GRM7: variants seen among roughly 807,000 people sequenced by gnomAD.
The protein encoded by GRM7 is glutamate metabotropic receptor 7, also known as metabotropic glutamate receptor 7.
In GRM7, 35 loss-of-function variants were observed where a neutral mutation model predicts 84.5. The ratio of observed to expected loss-of-function variants is 0.41; its 90% CI spans 0.32 to 0.55. GRM7 has a LOEUF of 0.55. Among genes scored for constraint, GRM7 ranks in the 20% least tolerant of loss-of-function variants. The pLI is 0.19. For missense variants in GRM7, 1,003 were observed against 1,194.6 expected (o/e 0.84, Z 2.36); for synonymous variants, 487 against 455.1 (o/e 1.07, Z -0.89).
chr3:6,887,345 G>C (rs1361650418), intron 1 of GRM7, among the ~76,000 whole-genome samples: 1 of 151,788 alleles, frequency 6.6e-6, no homozygotes, highest in African/African-American at 2.4e-5. Context: ...TTGTCATTTA[G>C]CATTAGGTAT....
chr3:7,064,461 T>TAC (rs1205453195), intron 1 of GRM7, among the ~76,000 whole-genome samples: 16 of 78,728 alleles, frequency 2.0e-4, no homozygotes, highest in African/African-American at 1.1e-3. Context: ...TGGATATATA[T>TAC]ACATATATAT....
intron 9 of GRM7, among the ~76,000 whole-genome samples, chr3:7,739,282 C>T (rs535439677): frequency 6.6e-6 from 1 of 152,254 alleles, no homozygotes; most frequent in South Asian, 2.1e-4. Context: ...TAAATACAAA[C>T]TCTCAGTATG....
At chr3:6,950,169 T>TC (rs1289121037) in intron 1 of GRM7, among the ~76,000 whole-genome samples, 2 of 152,212 alleles carry the variant, frequency 1.3e-5, no homozygotes, top group Non-Finnish European at 2.9e-5. Flanking sequence ...CTCTGTTTTT[T>TC]CCCCATCTTT....
chr3:7,592,840 A>G (rs1695859541), intron 8 of GRM7, among the ~76,000 whole-genome samples: 1 of 152,150 alleles, frequency 6.6e-6, no homozygotes. Context: ...AGACTTGTGT[A>G]TATGCCATTT....
At chr3:6,991,721 C>A (rs1694643340) in intron 1 of GRM7, among the ~76,000 whole-genome samples, 1 of 152,180 alleles carries the variant, frequency 6.6e-6, no homozygotes, top group Admixed American at 6.5e-5. Flanking sequence ...ATGATTACCA[C>A]AACCAAACTA....
At chr3:7,274,784 T>G (rs1321458929) in intron 2 of GRM7, among the ~76,000 whole-genome samples, 1 of 152,098 alleles carries the variant, frequency 6.6e-6, no homozygotes, top group Non-Finnish European at 1.5e-5. Flanking sequence ...TTGTCATTTT[T>G]TCTGGTTGGT....
At chr3:7,562,815 C>A (rs150906147) in intron 7 of GRM7, among the ~76,000 whole-genome samples, 1 of 152,108 alleles carries the variant, frequency 6.6e-6, no homozygotes. Flanking sequence ...TACACTAATA[C>A]GCATCCTGCC....
At position 7,065,160 on chromosome 3, in the gene GRM7, G is replaced by T. The variant is rs375210604; in HGVS notation, c.520-81292G>T. 2.1e-4 allele frequency among the ~76,000 whole-genome samples: 32 copies of T among 151,948 alleles called. No homozygotes were observed. The South Asian group carries it at 6.4e-3, about 30-fold the overall frequency. On this transcript the variant is annotated intron_variant, in intron 1 of 9. Transcript: ENST00000357716. ...GGGTTGTCTATTTAGTTTGCTGACT[G>T]TTCCTTTTGCTGTGCAAAAGCTCTT...
chr3:7,591,590 G>A (rs181604767), intron 8 of GRM7: 99 of 368,182 alleles, frequency 2.7e-4, no homozygotes, highest in African/African-American at 1.8e-3. Flanking sequence ...GAATGTTCAC[G>A]AGAATGTAAG....
chr3:7,312,957 C>A (rs1259611885), intron 4 of GRM7, among the ~76,000 whole-genome samples: 1 of 118,624 alleles, frequency 8.4e-6, no homozygotes, highest in South Asian at 2.7e-4. Flanking sequence ...TTTTTTTTAT[C>A]TCACTCTGTC....
chr3:7,313,510 C>T (rs1700479600), intron 4 of GRM7, among the ~76,000 whole-genome samples: 1 of 151,938 alleles, frequency 6.6e-6, no homozygotes, highest in African/African-American at 2.4e-5. Flanking sequence ...AATAAAATAC[C>T]TTTCTTATTC....
intron 4 of GRM7, among the ~76,000 whole-genome samples, chr3:7,308,541 C>G (rs528967830): frequency 6.6e-6 from 1 of 152,266 alleles, no homozygotes; most frequent in Admixed American, 6.5e-5. Flanking sequence ...GGCACAAAAT[C>G]AGTTTGAAAG....
intron 1 of GRM7, among the ~76,000 whole-genome samples, chr3:7,096,495 C>T (rs1698865276): frequency 1.3e-5 from 2 of 152,058 alleles, no homozygotes; most frequent in Admixed American, 1.3e-4. Context: ...ACAGAGCTTC[C>T]ATGCCCTCTC....
chr3:7,294,940 T>A (rs1188168567), intron 2 of GRM7, among the ~76,000 whole-genome samples: 1 of 152,236 alleles, frequency 6.6e-6, no homozygotes, highest in Admixed American at 6.5e-5. Context: ...CATATACTTT[T>A]AACCAAGTGT....
At chr3:7,407,584 G>T (rs191406222) in intron 4 of GRM7, among the ~76,000 whole-genome samples, 2,004 of 152,292 alleles carry the variant, frequency 0.013, 44 homozygotes, top group African/African-American at 0.042. Context: ...CATCTGTAAG[G>T]TATCCTACTA....
intron 2 of GRM7, among the ~76,000 whole-genome samples, chr3:7,248,063 G>A (rs1373260455): frequency 6.6e-6 from 1 of 152,124 alleles, no homozygotes; most frequent in African/African-American, 2.4e-5. Flanking sequence ...ATGTTTGATA[G>A]TTTTTTATAA....
intron 1 of GRM7, among the ~76,000 whole-genome samples, chr3:7,139,886 A>T (rs896201066): frequency 6.6e-6 from 1 of 152,056 alleles, no homozygotes; most frequent in African/African-American, 2.4e-5. Flanking sequence ...AGAGACACCT[A>T]AATACAAGAA....
intron 8 of GRM7, among the ~76,000 whole-genome samples, chr3:7,653,433 C>A (rs1021994438): frequency 1.3e-5 from 2 of 151,972 alleles, no homozygotes; most frequent in African/African-American, 2.4e-5. Context: ...ATCTGAGAAG[C>A]CATTGGATTT....
At chr3:6,873,326 G>T (rs556400791) in intron 1 of GRM7, among the ~76,000 whole-genome samples, 253 of 152,274 alleles carry the variant, frequency 1.7e-3, no homozygotes, top group Non-Finnish European at 1.9e-3. Flanking sequence ...TTTGGTCTTG[G>T]CCTCCCAAAG....
Sources: gnomAD v4.1 joint callset for allele counts (sites outside exome capture counted in the v4.1 genomes callset) on GRCh38, gnomAD v4.1.1 for gene constraint, MANE v1.5 for transcripts, NCBI Gene and HGNC (gene_info 2026-07-23, HGNC 2026-07-21) for gene names.